Variants in RTF1 observed in about 807,000 individuals in gnomAD.
RTF1 encodes the protein RNA polymerase-associated protein RTF1 homolog.
In RTF1, 10 loss-of-function variants were observed where a neutral mutation model predicts 95.7. The ratio of observed to expected loss-of-function variants is 0.10; its 90% CI spans 0.06 to 0.18. The LOEUF is 0.18. Ranked by LOEUF, RTF1 falls within the 10% of genes least tolerant of loss-of-function variation. RTF1 has a pLI of 1.00. For synonymous variants in RTF1, 305 were observed against 311.8 expected (o/e 0.98, Z 0.23); for missense variants, 458 against 875.6 (o/e 0.52, Z 6.02).
chr15:41,465,469 T>C (rs823716), intron 5 of RTF1, among the ~76,000 whole-genome samples: 52,259 of 152,036 alleles, frequency 0.34, 9,144 homozygotes, highest in African/African-American at 0.41. Flanking sequence ...GGCGAAATCC[T>C]GTCTCTACTA....
intron 1 of RTF1, among the ~76,000 whole-genome samples, chr15:41,433,255 AT>A (rs1366316376): frequency 1.3e-5 from 2 of 152,162 alleles, no homozygotes; most frequent in African/African-American, 2.4e-5. Context: ...CTCAAAAAAA[AT>A]AAATAAATAA....
At chr15:41,427,070 G>A (rs1481094280) in intron 1 of RTF1, among the ~76,000 whole-genome samples, 1 of 149,912 alleles carries the variant, frequency 6.7e-6, no homozygotes, top group African/African-American at 2.5e-5. Flanking sequence ...TTGAACTCCT[G>A]ACCTCGTGAT....
rs528592785 is a variant in RTF1, at chr15:41,451,133, A to G, written c.310-1768A>G. ...AAGATCAAAAGAATTTACTTCTTCT[A>G]TTACCTATTGTGAAATAGGAGGTTA... On this transcript the variant is annotated intron_variant, in intron 2 of 17. Transcript: ENST00000389629. 2.0e-5 allele frequency among the ~76,000 whole-genome samples: 3 copies of G among 152,232 alleles called. No individual in the cohort carries two copies. In the South Asian group the frequency reaches 6.2e-4, roughly 32 times the overall value.
At chr15:41,424,825 A>G (rs1032591619) in intron 1 of RTF1, among the ~76,000 whole-genome samples, 2 of 152,164 alleles carry the variant, frequency 1.3e-5, no homozygotes, top group African/African-American at 2.4e-5. Flanking sequence ...GCGGGCCAAC[A>G]TGGCGAAACC....
In RTF1 at chr15:41,470,335, A is replaced by T. The variant is rs1228501458; in HGVS notation, c.968A>T (p.Lys323Ile). Residue 323 changes from lysine to isoleucine, a missense_variant, in exon 7 of 18, where the codon AAA (lysine) becomes ATA (isoleucine). Physicochemically the swap from Lys to Ile is moderately radical, Grantham distance 102. Transcript: ENST00000389629. ...SDDEEEEEDDKSSEKSDRSSR... is the reference protein window; with the variant it reads ...SDDEEEEEDDISSEKSDRSSR... ...GATGAAGAGGAGGAAGAGGATGACA[A>T]ATCCAGTGAAAAGTCAGACCGCTCA... The T allele has an allele frequency of 1.9e-6, 3 of 1,614,210 alleles. No individual in the cohort carries two copies. Among genetic ancestry groups the T allele is most frequent in the Non-Finnish European group, 2.5e-6 (3 of 1,180,022 alleles).
intron 6 of RTF1, among the ~76,000 whole-genome samples, chr15:41,469,358 C>CT (rs369510800): frequency 0.015 from 2,180 of 147,536 alleles, 53 homozygotes; most frequent in African/African-American, 0.052. Flanking sequence ...TTTTCTCTCT[C>CT]TTTTTTTTTT....
chr15:41,418,911 G>A (rs549660939), intron 1 of RTF1, among the ~76,000 whole-genome samples: 1 of 152,056 alleles, frequency 6.6e-6, no homozygotes, highest in Non-Finnish European at 1.5e-5. Flanking sequence ...CTGGAGTGCA[G>A]TGGTGCGATC....
intron 1 of RTF1, among the ~76,000 whole-genome samples, chr15:41,431,938 T>A (rs1374936366): frequency 6.6e-6 from 1 of 151,932 alleles, no homozygotes; most frequent in Non-Finnish European, 1.5e-5. Flanking sequence ...GTAGCTAGAC[T>A]ACAGGTGCAC....
chr15:41,428,139 C>G (rs746064150), intron 1 of RTF1, among the ~76,000 whole-genome samples: 4 of 151,414 alleles, frequency 2.6e-5, no homozygotes, highest in Non-Finnish European at 5.9e-5. Context: ...ACTGTGTCAC[C>G]CAAGCTACAT....
At chr15:41,435,818 C>T (rs926230996) in intron 1 of RTF1, among the ~76,000 whole-genome samples, 6 of 152,138 alleles carry the variant, frequency 3.9e-5, no homozygotes, top group Non-Finnish European at 7.4e-5. Flanking sequence ...GCACCATCAT[C>T]GTTAAGGAAT....
chr15:41,478,995 G>A lies in RTF1; in HGVS notation c.1819-108G>A, dbSNP rs1595441959. On this transcript the variant is annotated intron_variant, in intron 15 of 17. Coordinates refer to ENST00000389629, the MANE Select transcript of RTF1 (RefSeq NM_015138.5). The stretch of plus-strand genomic sequence containing the variant: ...GAGGAAAACCCCACTAGCTGCTGAT[G>A]GGTCGGCTGTGGTGCTTGTGATGTT... 8.9e-6 allele frequency: 6 copies of A among 676,074 alleles called. No homozygotes were observed. In the East Asian group the frequency reaches 1.1e-4, roughly 12 times the overall value. 41.9% of individuals were successfully genotyped at this position (676,074 alleles called of 1,614,324 possible). A position where few individuals can be genotyped will look rare whatever the true frequency, so the allele number is the denominator to read the frequency against.
intron 1 of RTF1, among the ~76,000 whole-genome samples, chr15:41,430,341 G>A (rs867564135): frequency 1.5e-4 from 23 of 151,698 alleles, no homozygotes; most frequent in Middle Eastern, 3.2e-3. Flanking sequence ...CTACAGGCGC[G>A]TGGCACCACA....
chr15:41,480,618 A>G lies in RTF1; in HGVS notation c.2064A>G (p.Pro688=), dbSNP rs982991928. The change falls in exon 18 of 18, where the codon CCA becomes CCG. Residue 688 remains proline, a synonymous_variant. Transcript: ENST00000389629. ...KALAITSKAP[P]AKDGAPRRSL... ...TAGCCATCACCTCCAAGGCTCCGCCAGCCAAGGATGGGGCTCCAAGGAGAT... is the reference window on the plus strand; with the variant it reads ...TAGCCATCACCTCCAAGGCTCCGCCGGCCAAGGATGGGGCTCCAAGGAGAT... 38 of 1,614,202 alleles carry G rather than the reference A, an allele frequency of 2.4e-5. No homozygotes were observed. The Middle Eastern group carries it at 8.2e-4, about 35-fold the overall frequency.
At chr15:41,431,389 G>A (rs1246070952) in intron 1 of RTF1, among the ~76,000 whole-genome samples, 2 of 151,332 alleles carry the variant, frequency 1.3e-5, no homozygotes, top group Non-Finnish European at 2.9e-5. Context: ...TACTTTTTTT[G>A]TATTTTTAGT....
At chr15:41,478,963 C>A in intron 15 of RTF1, 140 bp from the exon 16 acceptor site, 2 of 327,486 alleles carry the variant, frequency 6.1e-6, no homozygotes, top group East Asian at 4.6e-5. Context: ...TTTTTTTTTG[C>A]TGCTTTGAGG....
At chr15:41,446,809 T>A (rs987830848) in intron 2 of RTF1, among the ~76,000 whole-genome samples, 7 of 151,654 alleles carry the variant, frequency 4.6e-5, no homozygotes, top group African/African-American at 1.7e-4. Flanking sequence ...TGTTATTTTT[T>A]TTTTTTTTTT....
In RTF1 at chr15:41,468,291, A is replaced by G. The variant is rs143778976; in HGVS notation, c.890-1966A>G. On this transcript the variant is annotated intron_variant, in intron 6 of 17. Transcript: ENST00000389629. ...ATTTCGAATCTGTCATTCTTTCCTC[A>G]TTCATTATCTAGCCTGCTTCTATAA... 2.4e-3 allele frequency among the ~76,000 whole-genome samples: 366 copies of G among 152,004 alleles called. 9 individuals carry two copies. The highest frequency in any genetic ancestry group is 8.4e-3 in the African/African-American group (346 of 41,312).
At chr15:41,431,413 C>T (rs921933602) in intron 1 of RTF1, among the ~76,000 whole-genome samples, 3 of 151,852 alleles carry the variant, frequency 2.0e-5, no homozygotes, top group Non-Finnish European at 4.4e-5. Context: ...GACAGGGTTT[C>T]ACCATGTTGG....
At chr15:41,456,292 C>T (rs2050815767) in intron 3 of RTF1, among the ~76,000 whole-genome samples, 1 of 150,178 alleles carries the variant, frequency 6.7e-6, no homozygotes, top group Non-Finnish European at 1.5e-5. Flanking sequence ...TGAGACCATC[C>T]TGGCTAACAT....
Sources: gnomAD v4.1 joint callset for allele counts (sites outside exome capture counted in the v4.1 genomes callset) on GRCh38, gnomAD v4.1.1 for gene constraint, MANE v1.5 for transcripts, NCBI Gene and HGNC (gene_info 2026-07-23, HGNC 2026-07-21) for gene names.